The following SLC7A14 variants were observed in gnomAD, a reference collection of about 807,000 sequenced individuals.
SLC7A14 encodes the protein gamma-aminobutyric acid transporter SLC7A14.
A neutral mutation model predicts 60.2 loss-of-function variants in SLC7A14; 37 were observed. That is an observed-to-expected ratio of 0.61 (90% confidence interval 0.47 to 0.81). The LOEUF is 0.81. Among genes scored for constraint, SLC7A14 ranks in the 30% least tolerant of loss-of-function variants. The probability of loss-of-function intolerance (pLI) is 0.00; values close to 1 mark genes in which losing one functional copy is unlikely to be tolerated. For missense variants in SLC7A14, 886 were observed against 982.7 expected (o/e 0.90, Z 1.32); for synonymous variants, 399 against 395.8 (o/e 1.01, Z -0.10).
intron 7 of SLC7A14, among the ~76,000 whole-genome samples, chr3:170,468,543 G>T (rs1291214381): frequency 6.6e-6 from 1 of 152,138 alleles, no homozygotes; most frequent in Non-Finnish European, 1.5e-5. Context: ...TGATCCGCCT[G>T]CTTCCACTTC....
chr3:170,530,740 C>A (rs1319368061), intron 1 of SLC7A14, among the ~76,000 whole-genome samples: 1 of 152,258 alleles, frequency 6.6e-6, no homozygotes, highest in Admixed American at 6.5e-5. Context: ...GCGGGGAGGC[C>A]GACAAGTAAG....
chr3:170,500,880 T>C (rs1712585485), intron 3 of SLC7A14, among the ~76,000 whole-genome samples: 1 of 152,246 alleles, frequency 6.6e-6, no homozygotes, highest in African/African-American at 2.4e-5. Flanking sequence ...CTTTTTGTTA[T>C]TGTAAATAAG....
chr3:170,536,881 G>A (rs1038213750), intron 1 of SLC7A14, among the ~76,000 whole-genome samples: 4 of 152,134 alleles, frequency 2.6e-5, no homozygotes, highest in East Asian at 1.9e-4. Flanking sequence ...ATTTGTATTT[G>A]AGATCATCCA....
intron 7 of SLC7A14, chr3:170,476,959 G>A (rs1466345632): frequency 6.6e-6 from 1 of 152,192 alleles, no homozygotes. Flanking sequence ...TGGCTATAGA[G>A]TTTTCAATGT....
intron 1 of SLC7A14, among the ~76,000 whole-genome samples, chr3:170,560,060 C>T (rs772619406): frequency 6.6e-6 from 1 of 152,178 alleles, no homozygotes; most frequent in Non-Finnish European, 1.5e-5. Flanking sequence ...CAATCAAATT[C>T]CCTTTTGAAT....
intron 1 of SLC7A14, among the ~76,000 whole-genome samples, chr3:170,580,235 TGATTAAATG>T (rs1174056696): frequency 1.3e-5 from 2 of 152,230 alleles, no homozygotes; most frequent in Non-Finnish European, 2.9e-5. Context: ...ACTATGTTAT[TGATTAAATG>T]GATGATTGTA....
chr3:170,576,426 T>G (rs1715092704), intron 1 of SLC7A14, among the ~76,000 whole-genome samples: 1 of 152,256 alleles, frequency 6.6e-6, no homozygotes, highest in South Asian at 2.1e-4. Context: ...ATAGGCATAT[T>G]AACCTGCTGG....
rs1014822524 is a variant in SLC7A14 at position 170,460,198 on chromosome 3, A to T, written c.*6857T>A. 1 of 152,262 alleles carries T rather than the reference A, an allele frequency of 6.6e-6. No homozygotes were observed. Among genetic ancestry groups the T allele is most frequent in the Non-Finnish European group, 1.5e-5 (1 of 68,048 alleles). The allele number at this position is 152,262 out of a possible 1,614,324, so 9.4% of individuals were successfully genotyped here. Reference sequence around the variant, plus strand: ...ATTACCATCTGTAAATGCAAGTTGTACTTCTCAAGGACGAAACGAAAAAGA... The same window carrying T: ...ATTACCATCTGTAAATGCAAGTTGTTCTTCTCAAGGACGAAACGAAAAAGA... On this transcript the variant is annotated 3_prime_UTR_variant, in exon 8 of 8. Transcript: ENST00000231706.
rs568302604 is a variant in SLC7A14 at position 170,466,090 on chromosome 3, C to A, written c.*965G>T. On this transcript the variant is annotated 3_prime_UTR_variant, in exon 8 of 8. Transcript: ENST00000231706. ...ACACCAATCAAGTGGTTGCCTATCT[C>A]AAAAACTTTAGAATTTATAATTTTA... The A allele has an allele frequency of 6.6e-6, 1 of 152,260 alleles. No individual in the cohort carries two copies. The highest frequency in any genetic ancestry group is 1.9e-4 in the East Asian group (1 of 5,186). The allele number at this position is 152,260 out of a possible 1,614,324, so 9.4% of individuals were successfully genotyped here. A position where few individuals can be genotyped will look rare whatever the true frequency, so the allele number is the denominator to read the frequency against.
At chr3:170,582,606 A>G (rs1490062574) in intron 1 of SLC7A14, among the ~76,000 whole-genome samples, 1 of 152,192 alleles carries the variant, frequency 6.6e-6, no homozygotes, top group African/African-American at 2.4e-5. Flanking sequence ...TATGTATTTA[A>G]TTACAAATTA....
At chr3:170,579,824 A>G (rs1715187847) in intron 1 of SLC7A14, among the ~76,000 whole-genome samples, 1 of 152,196 alleles carries the variant, frequency 6.6e-6, no homozygotes, top group African/African-American at 2.4e-5. Context: ...TCAAGATAAG[A>G]GTGGAAAAGA....
intron 1 of SLC7A14, among the ~76,000 whole-genome samples, chr3:170,578,200 C>G (rs1292829104): frequency 1.3e-5 from 2 of 152,242 alleles, no homozygotes; most frequent in African/African-American, 2.4e-5. Flanking sequence ...TGGGAAGAGG[C>G]AGAAGAGTGG....
At chr3:170,522,618 G>T (rs1350265372) in intron 2 of SLC7A14, among the ~76,000 whole-genome samples, 1 of 152,188 alleles carries the variant, frequency 6.6e-6, no homozygotes, top group Non-Finnish European at 1.5e-5. Flanking sequence ...CAAATTAGTG[G>T]TTGCCAGGGG....
At chr3:170,514,126 C>T (rs996890172) in intron 2 of SLC7A14, among the ~76,000 whole-genome samples, 1 of 152,164 alleles carries the variant, frequency 6.6e-6, no homozygotes, top group Non-Finnish European at 1.5e-5. Flanking sequence ...TTTTTGATTC[C>T]CTGGGGTGGC....
intron 4 of SLC7A14, among the ~76,000 whole-genome samples, chr3:170,497,840 G>A (rs1466464105): frequency 6.6e-6 from 1 of 152,112 alleles, no homozygotes; most frequent in Non-Finnish European, 1.5e-5. Flanking sequence ...AGCATAAACC[G>A]CACTAGCCAG....
chr3:170,552,051 T>C (rs919673235), intron 1 of SLC7A14, among the ~76,000 whole-genome samples: 2 of 152,226 alleles, frequency 1.3e-5, no homozygotes, highest in African/African-American at 2.4e-5. Flanking sequence ...TTAGCTCTTA[T>C]GTTTTGGTCT....
chr3:170,496,785 A>G (rs1712412650), intron 4 of SLC7A14: 2 of 715,012 alleles, frequency 2.8e-6, no homozygotes, highest in Admixed American at 3.7e-5. Context: ...GCTCCAGCTC[A>G]TTCAGCCGCA....
chr3:170,491,683 G>A (rs1035807185), intron 4 of SLC7A14, among the ~76,000 whole-genome samples: 1 of 152,134 alleles, frequency 6.6e-6, no homozygotes. Context: ...TAGAAGTAGC[G>A]GCCTTGTGGA....
Position 170,467,156 on chromosome 3 carries a change from C to T in SLC7A14, c.2215G>A (p.Ala739Thr). 6.2e-7 allele frequency: 1 copy of T among 1,614,118 alleles called. No homozygotes were observed. The highest frequency in any genetic ancestry group is 2.2e-5 in the East Asian group (1 of 44,868). The change falls in exon 8 of 8, where the codon GCA becomes ACA. Residue 739 changes from alanine (A) to threonine (T), a missense_variant. By Grantham distance (58) the Ala-to-Thr change is moderately conservative. Coordinates refer to ENST00000231706, the MANE Select transcript of SLC7A14 (RefSeq NM_020949.3). The stretch of plus-strand genomic sequence containing the variant: ...GCTTTGCTACTTGTCCGGCCGTTTG[C>T]CTTCGCATCTGACATCTGTTGGTAA... ...FYYQQMSDAK[A>T]NGRTSSKAKS... is the part of the protein sequence containing the mutation.
Sources: allele counts gnomAD v4.1 joint callset (sites outside exome capture counted in the v4.1 genomes callset), GRCh38; gene constraint gnomAD v4.1.1; transcripts MANE v1.5; gene names NCBI Gene and HGNC (gene_info 2026-07-23, HGNC 2026-07-21).